SETBP1: variants seen among roughly 807,000 people sequenced by gnomAD.
The protein encoded by SETBP1 is SET-binding protein.
SETBP1 carries 9 observed loss-of-function variants against 101.0 expected under a neutral mutation model. The observed-to-expected ratio is 0.09, with a 90% CI of 0.05 to 0.16. The LOEUF (loss-of-function observed/expected upper bound fraction) is 0.16, where lower values mean the gene tolerates loss of function less well. SETBP1 is among the 10% of genes least tolerant of loss of function. The probability of loss-of-function intolerance (pLI) is 1.00; values close to 1 mark genes in which losing one functional copy is unlikely to be tolerated. For synonymous variants in SETBP1, 818 were observed against 788.5 expected (o/e 1.04, Z -0.63); for missense variants, 1,858 against 2,033.8 (o/e 0.91, Z 1.66).
At position 44,950,555 on chromosome 18, in the gene SETBP1, C is replaced by T. The variant is rs553903026; in HGVS notation, c.1215C>T (p.Pro405=). The T allele has an allele frequency of 1.5e-5, 25 of 1,614,086 alleles. No individual in the cohort carries two copies. In the South Asian group the frequency reaches 2.3e-4, roughly 15 times the overall value. Residue 405 remains proline (P), a synonymous_variant, in exon 4 of 6, where the codon CCC becomes CCT. Coordinates refer to ENST00000649279, the MANE Select transcript of SETBP1 (RefSeq NM_015559.3). ...NDSSHVRITI[P]IKAPSLDPTN... ...CAAGTCATGTCCGGATTACTATCCC[C>T]ATCAAGGCACCCTCTCTGGATCCAA... is the stretch of plus-strand genomic sequence containing the variant.
intron 4 of SETBP1, among the ~76,000 whole-genome samples, chr18:44,965,520 A>G (rs2071703576): frequency 6.6e-6 from 1 of 152,206 alleles, no homozygotes; most frequent in Non-Finnish European, 1.5e-5. Flanking sequence ...TTCCATTTCA[A>G]AAAGCATCTC....
intron 2 of SETBP1, among the ~76,000 whole-genome samples, chr18:44,862,829 C>T (rs1259159026): frequency 6.6e-6 from 1 of 152,158 alleles, no homozygotes; most frequent in Non-Finnish European, 1.5e-5. Context: ...TTTTCTCCAG[C>T]CTTGGGGTGA....
At chr18:45,002,195 A>C (rs1408704277) in intron 4 of SETBP1, among the ~76,000 whole-genome samples, 6 of 152,112 alleles carry the variant, frequency 3.9e-5, no homozygotes, top group Non-Finnish European at 5.9e-5. Flanking sequence ...AAAACAGAGC[A>C]TTTCAAAAAT....
intron 2 of SETBP1, among the ~76,000 whole-genome samples, chr18:44,742,075 T>G (rs926433056): frequency 3.3e-5 from 5 of 152,244 alleles, no homozygotes; most frequent in Admixed American, 2.6e-4. Flanking sequence ...CTGGTGGTCT[T>G]GCTCAAGTCT....
chr18:44,747,314 C>G (rs558301942), intron 2 of SETBP1, among the ~76,000 whole-genome samples: 2 of 152,214 alleles, frequency 1.3e-5, no homozygotes, highest in Non-Finnish European at 2.9e-5. Context: ...TAGGCTCACA[C>G]TTCTGGGACC....
intron 2 of SETBP1, among the ~76,000 whole-genome samples, chr18:44,744,150 G>C (rs1422889208): frequency 6.6e-6 from 1 of 152,220 alleles, no homozygotes; most frequent in Non-Finnish European, 1.5e-5. Flanking sequence ...CTGACATCCA[G>C]GAAAAGCTGT....
chr18:44,732,243 A>G (rs1439927580), intron 2 of SETBP1, among the ~76,000 whole-genome samples: 5 of 152,154 alleles, frequency 3.3e-5, no homozygotes, highest in African/African-American at 1.2e-4. Flanking sequence ...ACTAAATATG[A>G]TATTCTTGGA....
At chr18:44,744,752 T>A (rs1350820182) in intron 2 of SETBP1, among the ~76,000 whole-genome samples, 1 of 145,964 alleles carries the variant, frequency 6.9e-6, no homozygotes, top group East Asian at 2.0e-4. Context: ...GTCGCCTGCA[T>A]CGTCCAACCC....
At chr18:44,841,294 G>T (rs9945789) in intron 2 of SETBP1, among the ~76,000 whole-genome samples, 2 of 152,034 alleles carry the variant, frequency 1.3e-5, no homozygotes, top group African/African-American at 4.8e-5. Context: ...GTTCTTCAGC[G>T]CATGGACTCT....
chr18:44,681,464 A>G (rs1411648107), intron 1 of SETBP1, among the ~76,000 whole-genome samples: 1 of 151,904 alleles, frequency 6.6e-6, no homozygotes, highest in East Asian at 1.9e-4. Context: ...GCAATTTCTG[A>G]TCGGTAGAGC....
chr18:44,779,144 G>A (rs1194707019), intron 2 of SETBP1, among the ~76,000 whole-genome samples: 12 of 152,228 alleles, frequency 7.9e-5, no homozygotes, highest in Non-Finnish European at 1.5e-5. Flanking sequence ...ACTTCAGAGA[G>A]TCACTAGACA....
At chr18:44,856,293 G>T (rs1404007228) in intron 2 of SETBP1, among the ~76,000 whole-genome samples, 1 of 152,168 alleles carries the variant, frequency 6.6e-6, no homozygotes, top group Non-Finnish European at 1.5e-5. Flanking sequence ...TGTCAGAAAA[G>T]GTGGAAAAGG....
rs748514500 is a variant in SETBP1, at chr18:44,856,055, GT to G, written c.487-13161del. ...TAGAAGCTGTTGCTTAATCCATCTTGTTTTTTTTTTTTTTCAGTCTGTAGAA... is the reference window on the plus strand; with the variant it reads ...TAGAAGCTGTTGCTTAATCCATCTTGTTTTTTTTTTTTTCAGTCTGTAGAA... On this transcript the variant is annotated intron_variant, in intron 2 of 5. Coordinates refer to ENST00000649279, the MANE Select transcript of SETBP1 (RefSeq NM_015559.3). 2.0e-3 allele frequency among the ~76,000 whole-genome samples: 265 copies of G among 133,068 alleles called. 2 individuals carry two copies. Among genetic ancestry groups the G allele is most frequent in the South Asian group, 0.016 (65 of 4,114 alleles). The allele number at this position is 133,068 out of a possible 152,430, so 87.3% of individuals were successfully genotyped here. A position where few individuals can be genotyped will look rare whatever the true frequency, so the allele number is the denominator to read the frequency against.
At chr18:45,002,726 T>G (rs1174493634) in intron 4 of SETBP1, among the ~76,000 whole-genome samples, 1 of 152,200 alleles carries the variant, frequency 6.6e-6, no homozygotes, top group African/African-American at 2.4e-5. Context: ...TGCTCAAACT[T>G]CAGCAACTCT....
intron 3 of SETBP1, among the ~76,000 whole-genome samples, chr18:44,934,900 A>G (rs1024497882): frequency 3.9e-5 from 6 of 152,200 alleles, no homozygotes; most frequent in African/African-American, 9.7e-5. Flanking sequence ...ATGCCACACT[A>G]TCTTCAGCAG....
intron 2 of SETBP1, among the ~76,000 whole-genome samples, chr18:44,741,168 G>A (rs1457793260): frequency 6.6e-6 from 1 of 152,166 alleles, no homozygotes; most frequent in Non-Finnish European, 1.5e-5. Flanking sequence ...CCCAAGCCTT[G>A]AGCTAGGTGC....
chr18:44,926,966 C>T (rs2070720356), intron 3 of SETBP1, among the ~76,000 whole-genome samples: 1 of 152,086 alleles, frequency 6.6e-6, no homozygotes, highest in Non-Finnish European at 1.5e-5. Flanking sequence ...TATGAGGGTG[C>T]TTTTCACATG....
chr18:44,706,518 G>A (rs2084065367), intron 2 of SETBP1, among the ~76,000 whole-genome samples: 1 of 147,784 alleles, frequency 6.8e-6, no homozygotes, highest in Non-Finnish European at 1.5e-5. Context: ...AACCCAAGAG[G>A]TGGAGGTTGC....
chr18:44,932,150 C>G (rs530644832), intron 3 of SETBP1, among the ~76,000 whole-genome samples: 7 of 152,306 alleles, frequency 4.6e-5, no homozygotes, highest in Admixed American at 3.9e-4. Flanking sequence ...GACAAAATCT[C>G]TCAGCATTTG....
Sources: gnomAD v4.1 joint callset for allele counts (sites outside exome capture counted in the v4.1 genomes callset) on GRCh38, gnomAD v4.1.1 for gene constraint, MANE v1.5 for transcripts, NCBI Gene and HGNC (gene_info 2026-07-23, HGNC 2026-07-21) for gene names.